RAB28: variants seen among roughly 807,000 people sequenced by gnomAD.
RAB28 encodes the protein ras-related protein Rab-28.
Under a neutral mutation model 31.7 loss-of-function variants are expected in RAB28, and 24 were observed. The observed-to-expected ratio is 0.76, with a 90% confidence interval of 0.55 to 1.06. The LOEUF is 1.06. Among genes scored for constraint, RAB28 ranks in the 50% least tolerant of loss-of-function variants. The pLI, the probability that RAB28 is intolerant of heterozygous loss-of-function variation, is 0.00. For synonymous variants in RAB28, 100 were observed against 90.4 expected (o/e 1.11, Z -0.60); for missense variants, 254 against 258.5 (o/e 0.98, Z 0.12).
chr4:13,415,826 G>C (rs1712742653), intron 4 of RAB28, among the ~76,000 whole-genome samples: 1 of 152,216 alleles, frequency 6.6e-6, no homozygotes, highest in South Asian at 2.1e-4. Flanking sequence ...AGGATCCACT[G>C]GGTGAAGCCA....
At chr4:13,482,106 C>G (rs1716632029) in intron 1 of RAB28, among the ~76,000 whole-genome samples, 1 of 151,990 alleles carries the variant, frequency 6.6e-6, no homozygotes, top group Non-Finnish European at 1.5e-5. Context: ...AAGATTAAGT[C>G]AGAGCACCAT....
intron 4 of RAB28, among the ~76,000 whole-genome samples, chr4:13,391,940 G>A (rs981269376): frequency 1.3e-5 from 2 of 151,972 alleles, no homozygotes; most frequent in Admixed American, 6.5e-5. Flanking sequence ...AGCATTAGGA[G>A]AAATTCCTAA....
chr4:13,457,475 T>G (rs1715358385), intron 4 of RAB28, among the ~76,000 whole-genome samples: 1 of 152,128 alleles, frequency 6.6e-6, no homozygotes, highest in African/African-American at 2.4e-5. Flanking sequence ...AGGAAAATAT[T>G]TATCTATAAT....
chr4:13,376,447 G>A (rs1728924577), intron 6 of RAB28, 98 bp downstream of exon 6: 6 of 758,888 alleles, frequency 7.9e-6, no homozygotes, highest in Non-Finnish European at 1.3e-5. Flanking sequence ...TTAGAGATAC[G>A]TACACAGAAG....
intron 4 of RAB28, among the ~76,000 whole-genome samples, chr4:13,444,104 T>G (rs1714567486): frequency 6.6e-6 from 1 of 151,508 alleles, no homozygotes; most frequent in African/African-American, 2.4e-5. Context: ...CTCGGCTCAC[T>G]GCAAGCTCCG....
chr4:13,473,500 G>T (rs1214766696), intron 3 of RAB28, among the ~76,000 whole-genome samples: 1 of 151,660 alleles, frequency 6.6e-6, no homozygotes, highest in African/African-American at 2.4e-5. Context: ...ACTTTCAATG[G>T]TATTACTGCA....
intron 4 of RAB28, among the ~76,000 whole-genome samples, chr4:13,425,191 T>C (rs1713405154): frequency 6.6e-6 from 1 of 152,158 alleles, no homozygotes; most frequent in Admixed American, 6.5e-5. Context: ...ACACTCAGTA[T>C]CAAAGATTTT....
chr4:13,463,903 G>C (rs1033009150), intron 3 of RAB28, among the ~76,000 whole-genome samples: 1 of 151,908 alleles, frequency 6.6e-6, no homozygotes, highest in African/African-American at 2.4e-5. Context: ...AAAAAACCAT[G>C]AAAGTCATCA....
In RAB28 at chr4:13,368,069, T is replaced by C; in HGVS notation, c.*489A>G. ...AGTTAGAAACAGCTTTATATACTTT[T>C]ACTCACGATAGCGAAAGAATGTCTT... On this transcript the variant is annotated 3_prime_UTR_variant, in exon 7 of 7. Transcript: ENST00000330852. 2 of 977,362 alleles carry C rather than the reference T, an allele frequency of 2.0e-6. No homozygotes were observed. The highest frequency in any genetic ancestry group is 2.4e-6 in the Non-Finnish European group (2 of 822,586). The allele number at this position is 977,362 out of a possible 1,614,324, so 60.5% of individuals were successfully genotyped here.
chr4:13,428,587 G>C (rs888048334), intron 4 of RAB28, among the ~76,000 whole-genome samples: 1 of 152,106 alleles, frequency 6.6e-6, no homozygotes, highest in East Asian at 1.9e-4. Flanking sequence ...AATAATCAGA[G>C]GATTTGAAGA....
Position 13,402,796 on chromosome 4 carries a change from T to TTTA in RAB28, c.392-21205_392-21203dup, listed in dbSNP as rs1182456110. 2.3e-3 allele frequency among the ~76,000 whole-genome samples: 351 copies of TTTA among 152,118 alleles called. 2 individuals carry two copies. Among genetic ancestry groups the TTTA allele is most frequent in the African/African-American group, 7.9e-3 (330 of 41,514 alleles). The stretch of plus-strand genomic sequence containing the variant: ...CTGCCTCATATATTATTATTATTTT[T>TTTA]TTATTATTATTATTTTGAAACAGGG... On this transcript the variant is annotated intron_variant, in intron 4 of 6. Transcript: ENST00000330852.
intron 3 of RAB28, among the ~76,000 whole-genome samples, chr4:13,470,706 A>G (rs1337987040): frequency 1.3e-5 from 2 of 152,216 alleles, no homozygotes; most frequent in Middle Eastern, 3.4e-3. Context: ...CCTAACCACT[A>G]TGAAAAATCC....
At chr4:13,397,535 T>C (rs1192142096) in intron 4 of RAB28, among the ~76,000 whole-genome samples, 1 of 152,128 alleles carries the variant, frequency 6.6e-6, no homozygotes, top group Non-Finnish European at 1.5e-5. Context: ...ATATTCCTAC[T>C]AATTATAATA....
intron 3 of RAB28, among the ~76,000 whole-genome samples, chr4:13,461,069 G>T (rs763769817): frequency 2.6e-5 from 4 of 152,200 alleles, no homozygotes; most frequent in Non-Finnish European, 5.9e-5. Context: ...TATCAAAATT[G>T]TAAGTGGTCT....
intron 4 of RAB28, among the ~76,000 whole-genome samples, chr4:13,427,406 G>T (rs1560288906): frequency 6.6e-6 from 1 of 152,154 alleles, no homozygotes; most frequent in African/African-American, 2.4e-5. Context: ...CCTGAGACAA[G>T]AAACAAACAA....
At chr4:13,378,868 T>C (rs765901732) in intron 5 of RAB28, among the ~76,000 whole-genome samples, 7 of 152,046 alleles carry the variant, frequency 4.6e-5, no homozygotes, top group Admixed American at 1.3e-4. Flanking sequence ...CATCAGCTGA[T>C]AGAATAGAGG....
chr4:13,476,757 T>A (rs915889148), intron 2 of RAB28, among the ~76,000 whole-genome samples: 1 of 151,502 alleles, frequency 6.6e-6, no homozygotes, highest in African/African-American at 2.4e-5. Context: ...CAAGAATATA[T>A]CTAATACAAA....
chr4:13,444,172 C>A (rs1363647468), intron 4 of RAB28, among the ~76,000 whole-genome samples: 1 of 151,908 alleles, frequency 6.6e-6, no homozygotes, highest in Non-Finnish European at 1.5e-5. Flanking sequence ...GGACTACAGG[C>A]GCCCGCCACC....
intron 5 of RAB28, among the ~76,000 whole-genome samples, chr4:13,380,952 T>C (rs1331228148): frequency 6.6e-6 from 1 of 151,890 alleles, no homozygotes; most frequent in Admixed American, 6.6e-5. Flanking sequence ...AAATTATTTC[T>C]ATATTATAAT....
Sources: allele counts gnomAD v4.1 joint callset (sites outside exome capture counted in the v4.1 genomes callset), GRCh38; gene constraint gnomAD v4.1.1; transcripts MANE v1.5; gene names NCBI Gene and HGNC (gene_info 2026-07-23, HGNC 2026-07-21).